RNF185: variants seen among roughly 807,000 people sequenced by gnomAD.
The protein encoded by RNF185 is ring finger protein 185, also known as E3 ubiquitin-protein ligase RNF185.
Under a neutral mutation model 24.9 loss-of-function variants are expected in RNF185, and 13 were observed. The ratio of observed to expected loss-of-function variants is 0.52; its 90% CI spans 0.34 to 0.83. RNF185 has a LOEUF of 0.83. RNF185 is among the 40% of genes least tolerant of loss of function. RNF185 has a pLI of 0.01. For synonymous variants in RNF185, 79 were observed against 90.3 expected, an observed-to-expected ratio of 0.88 and a Z score of 0.71; for missense variants, 184 against 244.7, an observed-to-expected ratio of 0.75 and a Z score of 1.65.
intron 3 of RNF185, 105 bp downstream of exon 3, chr22:31,192,807 G>A: frequency 2.9e-6 from 3 of 1,050,316 alleles, no homozygotes; most frequent in Non-Finnish European, 3.0e-6. Context: ...CCCTGCTTGT[G>A]GGCTCATTTG....
chr22:31,201,869 A>G (rs116273646), intron 6 of RNF185, among the ~76,000 whole-genome samples: 1,678 of 152,284 alleles, frequency 0.011, 21 homozygotes, highest in Middle Eastern at 0.058. Flanking sequence ...CACCCTATGG[A>G]ACAGGTGTGT....
intron 1 of RNF185, among the ~76,000 whole-genome samples, chr22:31,166,926 A>C (rs888546885): frequency 2.0e-5 from 3 of 152,194 alleles, no homozygotes; most frequent in African/African-American, 7.2e-5. Flanking sequence ...TTGGGATTAC[A>C]GGCGTGAGCC....
intron 6 of RNF185, among the ~76,000 whole-genome samples, chr22:31,203,054 C>G (rs532338449): frequency 2.6e-5 from 4 of 152,220 alleles, no homozygotes. Context: ...CAGCAAGAAC[C>G]TGCCTGATAG....
chr22:31,180,790 C>A (rs993867103), intron 1 of RNF185, among the ~76,000 whole-genome samples: 1 of 152,028 alleles, frequency 6.6e-6, no homozygotes, highest in African/African-American at 2.4e-5. Flanking sequence ...GAAAGTAATA[C>A]TTATTTGTTA....
chr22:31,187,303 A>T (rs754337102), intron 2 of RNF185, 33 bp downstream of exon 2: 1 of 1,610,630 alleles, frequency 6.2e-7, no homozygotes. Flanking sequence ...CAGAGAGCAC[A>T]TTGCCAAGTT....
chr22:31,203,834 G>C (rs1299866458), intron 6 of RNF185, among the ~76,000 whole-genome samples: 1 of 152,018 alleles, frequency 6.6e-6, no homozygotes, highest in Non-Finnish European at 1.5e-5. Flanking sequence ...TCAGGAGTTT[G>C]AGACCAGCCT....
Position 31,190,456 on chromosome 22 carries a change from T to G in RNF185, c.177-2228T>G, listed in dbSNP as rs201384835. On this transcript the variant is annotated intron_variant, in intron 2 of 6. Coordinates refer to ENST00000326132, the MANE Select transcript of RNF185 (RefSeq NM_152267.4). Reference sequence around the variant, plus strand: ...TACGTGCCACCACACCTGACTAATTTTTGTATTTTTAGTAGAGACGGGGTT... The same window carrying G: ...TACGTGCCACCACACCTGACTAATTGTTGTATTTTTAGTAGAGACGGGGTT... Among the ~76,000 whole-genome samples, 36 of 151,976 alleles carry G rather than the reference T, an allele frequency of 2.4e-4. No homozygotes were observed. In the East Asian group the frequency reaches 6.0e-3, roughly 25 times the overall value.
chr22:31,173,804 G>A lies in RNF185; in HGVS notation c.-48-13243G>A, dbSNP rs918246542. On this transcript the variant is annotated intron_variant, in intron 1 of 6. Transcript: ENST00000326132. ...AGTGTCCCCTAATTTTAACACTTGG[G>A]GAAAATCTGATTTTCTCTGGGTCAA... Among the ~76,000 whole-genome samples, 19 of 152,046 alleles carry A rather than the reference G, an allele frequency of 1.2e-4. 1 individual carries two copies. Among genetic ancestry groups the A allele is most frequent in the Non-Finnish European group, 4.4e-5 (3 of 68,014 alleles).
chr22:31,172,502 A>G (rs2047940008), intron 1 of RNF185, among the ~76,000 whole-genome samples: 1 of 152,122 alleles, frequency 6.6e-6, no homozygotes, highest in Non-Finnish European at 1.5e-5. Context: ...TAATCCCAGC[A>G]CTTTGGGAGG....
chr22:31,174,134 A>C (rs1196746891), intron 1 of RNF185, among the ~76,000 whole-genome samples: 1 of 152,196 alleles, frequency 6.6e-6, no homozygotes, highest in Non-Finnish European at 1.5e-5. Context: ...CTGTCTTGTG[A>C]GGAAGATATT....
At chr22:31,189,135 A>ATATGTGTGTGTGTG (rs368967009) in intron 2 of RNF185, among the ~76,000 whole-genome samples, 20,442 of 136,564 alleles carry the variant, frequency 0.15, 2,171 homozygotes, top group Admixed American at 0.2. Context: ...CAAAAAAAAA[A>ATATGTGTGTGTGTG]TGTGTGTGTG....
At chr22:31,178,525 G>C (rs1357366518) in intron 1 of RNF185, among the ~76,000 whole-genome samples, 1 of 152,214 alleles carries the variant, frequency 6.6e-6, no homozygotes, top group Non-Finnish European at 1.5e-5. Context: ...CTGGGAACCA[G>C]ATCTTTCGTG....
chr22:31,205,286 T>C lies in RNF185; in HGVS notation c.*700T>C, dbSNP rs2147970674. 5.9e-6 allele frequency: 1 copy of C among 169,812 alleles called. No homozygotes were observed. Among genetic ancestry groups the C allele is most frequent in the South Asian group, 2.0e-4 (1 of 4,882 alleles). The allele number at this position is 169,812 out of a possible 1,614,324, so 10.5% of individuals were successfully genotyped here. A position where few individuals can be genotyped will look rare whatever the true frequency, so the allele number is the denominator to read the frequency against. ...TGAATGACTTCCTGGTTTCCTGGCA[T>C]AAATTATTCCTGGTGAGACATGTGG... On this transcript the variant is annotated 3_prime_UTR_variant, in exon 7 of 7. Coordinates refer to ENST00000326132, the MANE Select transcript of RNF185 (RefSeq NM_152267.4).
rs149103862 is a variant in RNF185, at chr22:31,196,743, T to G, written c.309-193T>G. ...AACGAGTTGATTTTCTCCCTGGTTC[T>G]CTATACACGTGGGAAGAACAGTTGC... is the stretch of plus-strand genomic sequence containing the variant. On this transcript the variant is annotated intron_variant, in intron 4 of 6. Transcript: ENST00000326132. Among the ~76,000 whole-genome samples the G allele has an allele frequency of 7.6e-4, 116 of 152,338 alleles. 1 individual carries two copies. The highest frequency in any genetic ancestry group is 2.6e-3 in the African/African-American group (108 of 41,570).
At position 31,192,669 on chromosome 22, in the gene RNF185, T is replaced by C; in HGVS notation, c.177-15T>C. 5 of 1,613,470 alleles carry C rather than the reference T, an allele frequency of 3.1e-6. No individual in the cohort carries two copies. Among genetic ancestry groups the C allele is most frequent in the Non-Finnish European group, 3.4e-6 (4 of 1,179,376 alleles). ...CCTTCTCCTTGATGACTGGTTGCCCTGGGGACTCTGGCAGTTGGCCGTGTT... is the reference window on the plus strand; with the variant it reads ...CCTTCTCCTTGATGACTGGTTGCCCCGGGGACTCTGGCAGTTGGCCGTGTT... On this transcript the variant is annotated splice_polypyrimidine_tract_variant and intron_variant, in intron 2 of 6. Transcript: ENST00000326132.
intron 1 of RNF185, among the ~76,000 whole-genome samples, chr22:31,182,056 TAA>T (rs200392556): frequency 7.1e-5 from 10 of 140,708 alleles, no homozygotes; most frequent in Non-Finnish European, 1.2e-4. Context: ...AGGTTTTGTT[TAA>T]AAAAAAAAAC....
At chr22:31,199,113 A>AGG (rs2048237857) in intron 5 of RNF185, among the ~76,000 whole-genome samples, 1 of 151,730 alleles carries the variant, frequency 6.6e-6, no homozygotes, top group Non-Finnish European at 1.5e-5. Context: ...AAAAAAAAAA[A>AGG]AGAAAGAAAG....
At chr22:31,186,909 T>C in intron 1 of RNF185, 138 bp from the exon 2 acceptor site, 2 of 645,634 alleles carry the variant, frequency 3.1e-6, no homozygotes, top group Non-Finnish European at 5.3e-6. Flanking sequence ...AACTCTTGTC[T>C]TCTGTAGCGC....
chr22:31,183,378 ATT>A (rs531672903), intron 1 of RNF185, among the ~76,000 whole-genome samples: 2,009 of 146,322 alleles, frequency 0.014, 19 homozygotes, highest in Middle Eastern at 0.029. Context: ...ATAATTTTTA[ATT>A]TTTTTTTTTT....
Sources: gnomAD v4.1 joint callset for allele counts (sites outside exome capture counted in the v4.1 genomes callset) on GRCh38, gnomAD v4.1.1 for gene constraint, MANE v1.5 for transcripts, NCBI Gene and HGNC (gene_info 2026-07-23, HGNC 2026-07-21) for gene names.